Variants in DNAH3 observed in about 807,000 individuals in gnomAD.
The protein encoded by DNAH3 is axonemal beta dynein heavy chain 3.
In DNAH3, 332 loss-of-function variants were observed where a neutral mutation model predicts 432.5. That is an observed-to-expected ratio of 0.77 (90% confidence interval 0.70 to 0.84). The LOEUF (loss-of-function observed/expected upper bound fraction) is 0.84, where lower values mean the gene tolerates loss of function less well. DNAH3 is among the 40% of genes least tolerant of loss of function. The pLI, the probability that DNAH3 is intolerant of heterozygous loss-of-function variation, is 0.00. For synonymous variants in DNAH3, 1,956 were observed against 1,900.2 expected, an observed-to-expected ratio of 1.03 and a Z score of -0.76; for missense variants, 4,861 against 5,114.0, an observed-to-expected ratio of 0.95 and a Z score of 1.51.
At chr16:20,963,850 C>T (rs756996425) in exon 53 of DNAH3, 27 of 1,613,926 alleles carry the variant, frequency 1.7e-5, no homozygotes, top group African/African-American at 4.0e-5. Flanking sequence ...GTACTTGATG[C>T]GCAGATTCAG....
At chr16:20,969,426 TTC>T (rs145402033) in intron 52 of DNAH3, among the ~76,000 whole-genome samples, 58 of 149,424 alleles carry the variant, frequency 3.9e-4, no homozygotes, top group South Asian at 6.3e-4. Flanking sequence ...CTTTCTCTGC[TTC>T]TCTCTCTCTC....
chr16:20,978,484 G>C (rs1173707566), intron 50 of DNAH3, among the ~76,000 whole-genome samples: 1 of 152,324 alleles, frequency 6.6e-6, no homozygotes, highest in African/African-American at 2.4e-5. Context: ...AGCTGAGATT[G>C]CGCCACTGAG....
In DNAH3 at chr16:20,980,241, A is replaced by ATACATCATATATTATAT. The variant is rs2085810992; in HGVS notation, c.7860-696_7860-695insATATAATATATGATGTA. Among the ~76,000 whole-genome samples the ATACATCATATATTATAT allele has an allele frequency of 8.3e-4, 81 of 97,820 alleles. 1 individual carries two copies. The South Asian group carries it at 0.029, about 35-fold the overall frequency. 64.2% of individuals were successfully genotyped at this position (97,820 alleles called of 152,430 possible). On this transcript the variant is annotated intron_variant, in intron 49 of 61. Transcript: ENST00000261383. ...TTTATATTATTTATTTATATTATAT[A>ATACATCATATATTATAT]TATAATATACATCATATATTATATT...
At position 20,936,994 on chromosome 16, in the gene DNAH3, T is replaced by C. The variant is rs2083615726; in HGVS notation, c.11655-141A>G. 4.5e-6 allele frequency: 3 copies of C among 670,798 alleles called. No homozygotes were observed. The East Asian group carries it at 8.3e-5, about 18-fold the overall frequency. 41.6% of individuals were successfully genotyped at this position (670,798 alleles called of 1,614,324 possible). A position where few individuals can be genotyped will look rare whatever the true frequency, so the allele number is the denominator to read the frequency against. ...AGGAAAAATTAAATCACCCGTTACCTTGCTACCTAAAGATAACGTTGATGT... is the reference window on the plus strand; with the variant it reads ...AGGAAAAATTAAATCACCCGTTACCCTGCTACCTAAAGATAACGTTGATGT... On this transcript the variant is annotated intron_variant, in intron 59 of 61. Transcript: ENST00000261383.
intron 41 of DNAH3, among the ~76,000 whole-genome samples, chr16:21,014,957 G>T (rs565475077): frequency 1.3e-5 from 2 of 152,260 alleles, no homozygotes; most frequent in South Asian, 4.1e-4. Flanking sequence ...TAAATAGAGA[G>T]ATAATCCATG....
At chr16:21,048,629 C>A (rs1225798680) in intron 31 of DNAH3, among the ~76,000 whole-genome samples, 4 of 152,176 alleles carry the variant, frequency 2.6e-5, no homozygotes, top group Admixed American at 6.5e-5. Flanking sequence ...GCAGAAATCA[C>A]CCGTCTTCTT....
intron 41 of DNAH3, among the ~76,000 whole-genome samples, chr16:21,006,212 T>C (rs1171861030): frequency 6.6e-6 from 1 of 152,228 alleles, no homozygotes; most frequent in Non-Finnish European, 1.5e-5. Context: ...GCATACTTTA[T>C]TTCTCGCTGG....
rs377138172 is a variant in DNAH3 at position 21,159,339 on chromosome 16, C to G, written c.103G>C (p.Gly35Arg). 7 of 1,613,858 alleles carry G rather than the reference C, an allele frequency of 4.3e-6. No individual in the cohort carries two copies. In the Admixed American group the frequency reaches 5.0e-5, roughly 12 times the overall value. ...CCCCTCTCCACCTGCATTTCACTCC[C>G]TTCCTCCTCTCCTTGGGTCTCCCTG... Residue 35 changes from glycine (G) to arginine (R), a missense_variant, in exon 1 of 62, where the codon GGG (glycine) becomes CGG (arginine). Transcript: ENST00000261383.
intron 49 of DNAH3, among the ~76,000 whole-genome samples, chr16:20,980,284 T>TTATAATATACATCA (rs547652275): frequency 2.1e-5 from 3 of 142,378 alleles, no homozygotes; most frequent in Admixed American, 1.5e-4. Context: ...ACATCATATA[T>TTATAATATACATCA]TATAATATAC....
At chr16:21,058,344 A>G in intron 26 of DNAH3, 148 bp from the exon 27 acceptor site, 1 of 495,104 alleles carries the variant, frequency 2.0e-6, no homozygotes, top group Non-Finnish European at 3.6e-6. Flanking sequence ...CATCTCTGGA[A>G]TTACTGATTT....
At chr16:21,025,050 G>A (rs773731503) in intron 38 of DNAH3, among the ~76,000 whole-genome samples, 8 of 151,864 alleles carry the variant, frequency 5.3e-5, no homozygotes, top group South Asian at 2.1e-4. Context: ...TCAGCCTCCC[G>A]AGTAGCTGGA....
rs1413929549 is a variant in DNAH3, at chr16:20,961,848, C to T, written c.10600+1436G>A. 2.7e-5 allele frequency among the ~76,000 whole-genome samples: 4 copies of T among 149,878 alleles called. No homozygotes were observed. In the South Asian group the frequency reaches 6.4e-4, roughly 24 times the overall value. ...CATGATCTTGGCTCACCACAACCTC[C>T]GCCTCCCAAGTTCAAGCAATTCTCC... On this transcript the variant is annotated intron_variant, in intron 53 of 61. Transcript: ENST00000261383.
At position 20,966,014 on chromosome 16, in the gene DNAH3, A is replaced by ATTTT. The variant is rs555983378; in HGVS notation, c.8459-593_8459-590dup. ...AGGCCTGAGCCACCATGCCCAGCCA[A>ATTTT]TTTTTTTTTTTTTTTTTTTTTTTTT... On this transcript the variant is annotated intron_variant, in intron 52 of 61. Coordinates refer to ENST00000261383, the Ensembl canonical transcript of DNAH3. Among the ~76,000 whole-genome samples, 112 of 48,372 alleles carry ATTTT rather than the reference A, an allele frequency of 2.3e-3. 11 individuals carry two copies. The highest frequency in any genetic ancestry group is 5.8e-3 in the African/African-American group (70 of 12,146). 31.7% of individuals were successfully genotyped at this position (48,372 alleles called of 152,430 possible).
intron 25 of DNAH3, 147 bp downstream of exon 25, chr16:21,062,335 C>G (rs2090387578): frequency 3.1e-6 from 2 of 644,022 alleles, no homozygotes; most frequent in Non-Finnish European, 5.4e-6. Flanking sequence ...GATTGAGTAA[C>G]TTCCCCAAAT....
At chr16:21,103,787 AG>A (rs1567796442) in intron 16 of DNAH3, 2 of 152,210 alleles carry the variant, frequency 1.3e-5, no homozygotes, top group Non-Finnish European at 2.9e-5. Flanking sequence ...ATGAATCTGC[AG>A]GTCATAATCA....
intron 44 of DNAH3, among the ~76,000 whole-genome samples, chr16:20,992,707 T>C (rs777339578): frequency 2.0e-5 from 3 of 152,228 alleles, no homozygotes; most frequent in Non-Finnish European, 4.4e-5. Context: ...TTGGTTTCTT[T>C]CAGCAGGAAA....
Position 20,987,294 on chromosome 16 carries a change from AT to A in DNAH3, c.7026+10del. ...ATTTCTGAGGTCAAATGATCACAGA[AT>A]CTGGTTTACCTTCTCTATGGTCTGC... is the stretch of plus-strand genomic sequence containing the variant. On this transcript the variant is annotated intron_variant, in intron 47 of 61. Transcript: ENST00000261383. 6.2e-7 allele frequency: 1 copy of A among 1,612,924 alleles called. No individual in the cohort carries two copies.
At chr16:20,948,621 T>G in exon 57 of DNAH3, 1 of 1,614,096 alleles carries the variant, frequency 6.2e-7, no homozygotes, top group Non-Finnish European at 8.5e-7. Flanking sequence ...TCACTCTGCC[T>G]CCGTAATTAC....
At chr16:21,016,432 T>C (rs953957702) in intron 41 of DNAH3, among the ~76,000 whole-genome samples, 32 of 152,248 alleles carry the variant, frequency 2.1e-4, no homozygotes, top group Admixed American at 2.0e-3. Flanking sequence ...TTTTATTGTA[T>C]ATTTTTTTCT....
Sources: allele counts gnomAD v4.1 joint callset (sites outside exome capture counted in the v4.1 genomes callset), GRCh38; gene constraint gnomAD v4.1.1; transcripts MANE v1.5; gene names NCBI Gene and HGNC (gene_info 2026-07-23, HGNC 2026-07-21).